Variants in ANO4 observed in about 807,000 individuals in gnomAD.
ANO4 encodes anoctamin-4.
Under a neutral mutation model 141.9 loss-of-function variants are expected in ANO4, and 69 were observed. The ratio of observed to expected loss-of-function variants is 0.49; its 90% CI spans 0.40 to 0.59. ANO4 has a LOEUF of 0.59. Among genes scored for constraint, ANO4 ranks in the 20% least tolerant of loss-of-function variants. The pLI is 0.00. For synonymous variants in ANO4, 350 were observed against 394.3 expected, an observed-to-expected ratio of 0.89 and a Z score of 1.33; for missense variants, 894 against 1,162.2, an observed-to-expected ratio of 0.77 and a Z score of 3.36.
intron 1 of ANO4, among the ~76,000 whole-genome samples, chr12:100,891,821 G>A (rs534287002): frequency 7.9e-5 from 12 of 152,146 alleles, no homozygotes; most frequent in African/African-American, 2.4e-4. Flanking sequence ...TTATTATTAA[G>A]TATACCCACT....
chr12:100,851,663 T>C (rs1593518724), intron 1 of ANO4, among the ~76,000 whole-genome samples: 1 of 152,292 alleles, frequency 6.6e-6, no homozygotes, highest in East Asian at 1.9e-4. Flanking sequence ...AAGGATAAGT[T>C]CTTAAAGGAG....
In ANO4 at chr12:101,033,211, G is replaced by A. The variant is rs369630381; in HGVS notation, c.842-3884G>A. Among the ~76,000 whole-genome samples, 10 of 151,560 alleles carry A rather than the reference G, an allele frequency of 6.6e-5. No individual in the cohort carries two copies. The East Asian group carries it at 7.8e-4, about 12-fold the overall frequency. On this transcript the variant is annotated intron_variant, in intron 9 of 27. Transcript: ENST00000392977. ...AAATCATCATTCTCAGTAAACTATC[G>A]CAAGAACAAAAAACCAAACACCGCA... is the stretch of plus-strand genomic sequence containing the variant.
At chr12:100,736,884 C>A (rs1280188697) in intron 2 of ANO4, among the ~76,000 whole-genome samples, 1 of 152,166 alleles carries the variant, frequency 6.6e-6, no homozygotes, top group Non-Finnish European at 1.5e-5. Flanking sequence ...AACAGATTCT[C>A]CTCTAGAGCC....
chr12:100,997,412 CA>C (rs1490764802), intron 8 of ANO4, among the ~76,000 whole-genome samples: 2 of 149,736 alleles, frequency 1.3e-5, no homozygotes, highest in Non-Finnish European at 3.0e-5. Flanking sequence ...AGCCTAAATA[CA>C]ATTTTTCAAC....
intron 2 of ANO4, among the ~76,000 whole-genome samples, chr12:100,904,130 G>T (rs1416673161): frequency 6.6e-6 from 1 of 152,052 alleles, no homozygotes; most frequent in East Asian, 1.9e-4. Flanking sequence ...ATATTTGTAG[G>T]GTAGGACCGA....
chr12:100,973,013 T>C (rs2043999339), intron 6 of ANO4, among the ~76,000 whole-genome samples: 1 of 152,244 alleles, frequency 6.6e-6, no homozygotes, highest in Admixed American at 6.5e-5. Context: ...ACTGTTTTAA[T>C]GCAGCATTGA....
intron 1 of ANO4, among the ~76,000 whole-genome samples, chr12:100,837,720 TAAAA>T (rs66789704): frequency 1.1e-3 from 136 of 122,626 alleles, no homozygotes; most frequent in Non-Finnish European, 1.1e-3. Context: ...ACCTTGTCTC[TAAAA>T]AAAAAAAAAA....
intron 2 of ANO4, among the ~76,000 whole-genome samples, chr12:100,736,092 T>C (rs957649496): frequency 6.6e-6 from 1 of 151,694 alleles, no homozygotes; most frequent in Admixed American, 6.6e-5. Context: ...ACTGAGGAGG[T>C]TGAAAATTAA....
intron 1 of ANO4, among the ~76,000 whole-genome samples, chr12:100,887,138 T>C (rs925739967): frequency 1.3e-5 from 2 of 152,260 alleles, no homozygotes; most frequent in Non-Finnish European, 2.9e-5. Flanking sequence ...TATCATTTGA[T>C]GTTTCTGGTA....
At chr12:100,737,922 G>C (rs571915558) in intron 2 of ANO4, among the ~76,000 whole-genome samples, 43 of 152,140 alleles carry the variant, frequency 2.8e-4, no homozygotes, top group African/African-American at 9.4e-4. Flanking sequence ...TAGTAATGTG[G>C]TTCCTAGATG....
intron 1 of ANO4, among the ~76,000 whole-genome samples, chr12:100,726,623 T>C (rs1008615718): frequency 3.3e-5 from 5 of 152,226 alleles, no homozygotes; most frequent in Non-Finnish European, 7.3e-5. Flanking sequence ...GCATTTCTAA[T>C]GGACTCTCAG....
intron 8 of ANO4, among the ~76,000 whole-genome samples, chr12:101,005,542 G>C (rs1025641223): frequency 2.6e-5 from 4 of 152,156 alleles, no homozygotes; most frequent in African/African-American, 9.7e-5. Context: ...CAGGGCCTGG[G>C]TGCCCAATCC....
chr12:100,824,180 A>T (rs1443233124), intron 1 of ANO4, among the ~76,000 whole-genome samples: 2 of 151,974 alleles, frequency 1.3e-5, no homozygotes, highest in Admixed American at 6.6e-5. Flanking sequence ...AGAGTACTGG[A>T]TTAGAAGCAG....
At chr12:100,765,887 A>T (rs2033062066) in intron 3 of ANO4, among the ~76,000 whole-genome samples, 1 of 151,650 alleles carries the variant, frequency 6.6e-6, no homozygotes, top group Non-Finnish European at 1.5e-5. Flanking sequence ...TGGTCAGAAC[A>T]TTTCAAGTCT....
Position 100,859,928 on chromosome 12 carries a change from TCATC to T in ANO4, c.-140-41713_-140-41710del, listed in dbSNP as rs1712812982. Among the ~76,000 whole-genome samples the T allele has an allele frequency of 2.6e-5, 4 of 152,170 alleles. No individual in the cohort carries two copies. In the South Asian group the frequency reaches 6.2e-4, roughly 24 times the overall value. On this transcript the variant is annotated intron_variant, in intron 1 of 27. Transcript: ENST00000392977. Reference sequence around the variant, plus strand: ...AATATTCAGCACCTGTCATTAAAATTCATCCATCACCTATCATAAAATTAATTAG... The same window carrying T: ...AATATTCAGCACCTGTCATTAAAATTCATCACCTATCATAAAATTAATTAG...
At position 101,023,927 on chromosome 12, in the gene ANO4, A is replaced by G. The variant is rs149335346; in HGVS notation, c.841+3787A>G. 4.3e-3 allele frequency among the ~76,000 whole-genome samples: 651 copies of G among 152,316 alleles called. 3 individuals carry two copies. The highest frequency in any genetic ancestry group is 8.7e-3 in the South Asian group (42 of 4,826). ...TTTATCCAGTATTATTTTCTGCCTG[A>G]AACTCTTTCTGAAAGTGGCATCTTG... On this transcript the variant is annotated intron_variant, in intron 9 of 27. Coordinates refer to ENST00000392977, the MANE Select transcript of ANO4 (RefSeq NM_001286615.2).
chr12:100,729,224 C>T (rs555795811), intron 1 of ANO4, among the ~76,000 whole-genome samples: 1 of 151,322 alleles, frequency 6.6e-6, no homozygotes, highest in African/African-American at 2.4e-5. Flanking sequence ...ATTTTCTTTG[C>T]TATGTGGGAT....
At position 101,102,042 on chromosome 12, in the gene ANO4, C is replaced by G. The variant is rs961899649; in HGVS notation, c.2149+2322C>G. On this transcript the variant is annotated intron_variant, in intron 22 of 27. Coordinates refer to ENST00000392977, the MANE Select transcript of ANO4 (RefSeq NM_001286615.2). The stretch of plus-strand genomic sequence containing the variant: ...GAGGTTGCAGTGAGCCAAGATTGCA[C>G]CATTGCACTCCAGCCTGGGAGAGAG... 2.0e-5 allele frequency among the ~76,000 whole-genome samples: 3 copies of G among 152,000 alleles called. No homozygotes were observed. The South Asian group carries it at 6.2e-4, about 32-fold the overall frequency.
chr12:100,998,638 G>A (rs565335134), intron 8 of ANO4, among the ~76,000 whole-genome samples: 84 of 152,200 alleles, frequency 5.5e-4, no homozygotes, highest in African/African-American at 1.3e-3. Flanking sequence ...AAAGCCCTTC[G>A]TCATTTTATA....
Sources: gnomAD v4.1 joint callset for allele counts (sites outside exome capture counted in the v4.1 genomes callset) on GRCh38, gnomAD v4.1.1 for gene constraint, MANE v1.5 for transcripts, NCBI Gene and HGNC (gene_info 2026-07-23, HGNC 2026-07-21) for gene names.